PNMA8A: variants seen among roughly 807,000 people sequenced by gnomAD.
PNMA8A encodes paraneoplastic antigen-like protein 8A.
A neutral mutation model predicts 26.6 loss-of-function variants in PNMA8A; 17 were observed. That is an observed-to-expected ratio of 0.64 (90% CI 0.44 to 0.96). The LOEUF (loss-of-function observed/expected upper bound fraction) is 0.96. Ranked by LOEUF, PNMA8A falls within the 40% of genes least tolerant of loss-of-function variation. The pLI is 0.00. For missense variants in PNMA8A, 532 were observed against 488.4 expected, an observed-to-expected ratio of 1.09 and a Z score of -0.84; for synonymous variants, 224 against 182.0, an observed-to-expected ratio of 1.23 and a Z score of -1.86.
At chr19:46,468,696 G>A in intron 2 of PNMA8A, 119 bp from the exon 3 acceptor site, 1 of 787,218 alleles carries the variant, frequency 1.3e-6, no homozygotes, top group Non-Finnish European at 2.2e-6. Context: ...CAGGTCTCTA[G>A]AAAACTTCAC....
At chr19:46,469,105 A>G (rs56838894) in intron 2 of PNMA8A, among the ~76,000 whole-genome samples, 32,123 of 109,068 alleles carry the variant, frequency 0.29, 3,726 homozygotes, top group East Asian at 0.47. Context: ...CAAATCATTA[A>G]ATTCTTTTTT....
chr19:46,469,451 A>C, intron 2 of PNMA8A, among the ~76,000 whole-genome samples: 1 of 152,074 alleles, frequency 6.6e-6, no homozygotes, highest in East Asian at 1.9e-4. Flanking sequence ...GGTCAGATGG[A>C]GTGGCAAATG....
rs142708071 is a variant in PNMA8A at position 46,470,582 on chromosome 19, C to T, written c.454G>A (p.Val152Met). 15 of 1,613,914 alleles carry T rather than the reference C, an allele frequency of 9.3e-6. No homozygotes were observed. Among genetic ancestry groups the T allele is most frequent in the African/African-American group, 2.7e-5 (2 of 74,938 alleles). The change falls in exon 2 of 3, where the codon GTG becomes ATG. Residue 152 changes from valine to methionine, a missense_variant. Coordinates refer to ENST00000313683, the MANE Select transcript of PNMA8A (RefSeq NM_018215.4). ...ATCTGCACCACTGCTCCCAGAAGCA[C>T]CCCCAGAGCTTCTGCCCAGTTCTCT... ...PPENWAEALG[V>M]LLGAVVQIIF...
intron 2 of PNMA8A, 23 bp downstream of exon 2, chr19:46,469,710 G>A: frequency 6.4e-7 from 1 of 1,569,346 alleles, no homozygotes; most frequent in Non-Finnish European, 8.6e-7. Flanking sequence ...CACGAGCCCA[G>A]TCACTTCTGC....
At chr19:46,468,772 G>A (rs1214154994) in intron 2 of PNMA8A, among the ~76,000 whole-genome samples, 195 bp from the exon 3 acceptor site, 1 of 151,980 alleles carries the variant, frequency 6.6e-6, no homozygotes, top group East Asian at 1.9e-4. Context: ...TGGGGGGAGG[G>A]GGGAACAGGG....
intron 2 of PNMA8A, among the ~76,000 whole-genome samples, 192 bp from the exon 3 acceptor site, chr19:46,468,769 A>C (rs1969742193): frequency 6.6e-6 from 1 of 151,442 alleles, no homozygotes; most frequent in South Asian, 2.1e-4. Context: ...TTTTGGGGGG[A>C]GGGGGGAACA....
intron 2 of PNMA8A, 109 bp from the exon 3 acceptor site, chr19:46,468,686 C>T: frequency 1.2e-6 from 1 of 868,396 alleles, no homozygotes; most frequent in Non-Finnish European, 1.9e-6. Flanking sequence ...ATTCCCCAGC[C>T]AGGTCTCTAG....
Position 46,469,858 on chromosome 19 carries a change from G to A in PNMA8A, c.1178C>T (p.Pro393Leu), listed in dbSNP as rs1008161242. The A allele has an allele frequency of 1.9e-6, 3 of 1,614,104 alleles. No homozygotes were observed. The highest frequency in any genetic ancestry group is 2.7e-5 in the African/African-American group (2 of 74,940). Residue 393 changes from proline (P) to leucine (L), a missense_variant, in exon 2 of 3, where the codon CCA becomes CTA. Pro to Leu is a moderately conservative substitution (Grantham distance 98). Coordinates refer to ENST00000313683, the MANE Select transcript of PNMA8A (RefSeq NM_018215.4). The part of the protein sequence containing the change: ...RKKPVMPKKG[P>L]GSRREASDQK... ...ATCTGATGCCTCCCTTCTTGAGCCT[G>A]GCCCTTTCTTTGGCATCACCGGCTT... is the stretch of plus-strand genomic sequence containing the variant.
rs1210310655 is a variant in PNMA8A, at chr19:46,468,361, AG to A, written c.*199del. ...GGCGGTGAAACGGCAGGCCTGGTAGAGAAAAGGGCATAGAGATCCACCTCCC... is the reference window on the plus strand; with the variant it reads ...GGCGGTGAAACGGCAGGCCTGGTAGAAAAAGGGCATAGAGATCCACCTCCC... On this transcript the variant is annotated 3_prime_UTR_variant, in exon 3 of 3. Transcript: ENST00000313683. 9 of 531,410 alleles carry A rather than the reference AG, an allele frequency of 1.7e-5. No individual in the cohort carries two copies. In the Admixed American group the frequency reaches 2.1e-4, roughly 13 times the overall value. 32.9% of individuals were successfully genotyped at this position (531,410 alleles called of 1,614,324 possible). A position where few individuals can be genotyped will look rare whatever the true frequency, so the allele number is the denominator to read the frequency against.
Position 46,466,647 on chromosome 19 carries a change from T to C in PNMA8A, c.*1914A>G, listed in dbSNP as rs942741371. 1 of 152,134 alleles carries C rather than the reference T, an allele frequency of 6.6e-6. No individual in the cohort carries two copies. The highest frequency in any genetic ancestry group is 1.9e-4 in the East Asian group (1 of 5,192). The allele number at this position is 152,134 out of a possible 1,614,324, so 9.4% of individuals were successfully genotyped here. A position where few individuals can be genotyped will look rare whatever the true frequency, so the allele number is the denominator to read the frequency against. On this transcript the variant is annotated 3_prime_UTR_variant, in exon 3 of 3. Transcript: ENST00000313683. Reference sequence around the variant, plus strand: ...GGCTTTGGTCTCTTCAAGAATCCAATTCACCCCTGGGTTTCGCTTGGCACA... The same window carrying C: ...GGCTTTGGTCTCTTCAAGAATCCAACTCACCCCTGGGTTTCGCTTGGCACA...
At chr19:46,471,142 C>T in intron 1 of PNMA8A, 28 bp from the exon 2 acceptor site, 3 of 614,710 alleles carry the variant, frequency 4.9e-6, no homozygotes. Context: ...AGCGAGGTCA[C>T]GTTCCCAGGA....
chr19:46,468,617 A>T, intron 2 of PNMA8A, 40 bp from the exon 3 acceptor site: 1 of 1,569,142 alleles, frequency 6.4e-7, no homozygotes, highest in Non-Finnish European at 8.8e-7. Flanking sequence ...AGGGAAGCAG[A>T]GAGGTGTCAT....
At chr19:46,469,631 C>A (rs1038597992) in intron 2 of PNMA8A, 102 bp downstream of exon 2, 753 of 1,328,380 alleles carry the variant, frequency 5.7e-4, no homozygotes, top group Non-Finnish European at 7.3e-4. Context: ...ACCCGCTTGA[C>A]CCACCACCTC....
Position 46,470,560 on chromosome 19 carries a change from T to G in PNMA8A, c.476A>C (p.Gln159Pro). Residue 159 changes from glutamine (Q) to proline (P), a missense_variant, in exon 2 of 3, where the codon CAG (glutamine) becomes CCG (proline). By Grantham distance (76) the Gln-to-Pro change is moderately conservative. Transcript: ENST00000313683. ...ALGVLLGAVV[Q>P]IIFCMDAEIR... Reference sequence around the variant, plus strand: ...CTCGGCATCCATGCAGAAGATGATCTGCACCACTGCTCCCAGAAGCACCCC... The same window carrying G: ...CTCGGCATCCATGCAGAAGATGATCGGCACCACTGCTCCCAGAAGCACCCC... The G allele has an allele frequency of 1.2e-6, 2 of 1,614,096 alleles. No homozygotes were observed. The highest frequency in any genetic ancestry group is 1.7e-6 in the Non-Finnish European group (2 of 1,180,032).
At position 46,466,509 on chromosome 19, in the gene PNMA8A, T is replaced by C. The variant is rs894023573; in HGVS notation, c.*2052A>G. 6.6e-6 allele frequency: 1 copy of C among 152,176 alleles called. No individual in the cohort carries two copies. The highest frequency in any genetic ancestry group is 1.5e-5 in the Non-Finnish European group (1 of 68,022). 9.4% of individuals were successfully genotyped at this position (152,176 alleles called of 1,614,324 possible). ...AAGAGACTTAACAGGACACTTAATT[T>C]GCTAAACTTTATTTTATACATACAC... On this transcript the variant is annotated 3_prime_UTR_variant, in exon 3 of 3. Coordinates refer to ENST00000313683, the MANE Select transcript of PNMA8A (RefSeq NM_018215.4).
rs1969737190 is a variant in PNMA8A at position 46,468,444 on chromosome 19, T to C, written c.*117A>G. The C allele has an allele frequency of 1.1e-6, 1 of 892,130 alleles. No homozygotes were observed. Among genetic ancestry groups the C allele is most frequent in the African/African-American group, 1.6e-5 (1 of 60,640 alleles). The allele number at this position is 892,130 out of a possible 1,614,324, so 55.3% of individuals were successfully genotyped here. ...CTATCGTTTACCTCAGGGCCAGATC[T>C]CTATCAACAGGGGCCCTAAGAGAGT... is the stretch of plus-strand genomic sequence containing the variant. On this transcript the variant is annotated 3_prime_UTR_variant, in exon 3 of 3. Coordinates refer to ENST00000313683, the MANE Select transcript of PNMA8A (RefSeq NM_018215.4).
At chr19:46,469,611 C>T (rs1393848264) in intron 2 of PNMA8A, 122 bp downstream of exon 2, 20 of 1,078,408 alleles carry the variant, frequency 1.9e-5, no homozygotes, top group Non-Finnish European at 2.6e-5. Flanking sequence ...GCACCAGGGT[C>T]CTCCTCATCA....
At position 46,470,376 on chromosome 19, in the gene PNMA8A, G is replaced by A. The variant is rs759970820; in HGVS notation, c.660C>T (p.Ala220=). 6.2e-7 allele frequency: 1 copy of A among 1,614,032 alleles called. No individual in the cohort carries two copies. The highest frequency in any genetic ancestry group is 1.1e-5 in the South Asian group (1 of 91,086). The change falls in exon 2 of 3, where the codon GCC becomes GCT. Residue 220 remains alanine, a synonymous_variant. Transcript: ENST00000313683. The part of the protein sequence containing the change: ...LKAETPNNWN[A]TEDQHEPTKP... ...TGGTAGGCTCATGCTGGTCTTCCGT[G>A]GCATTCCAGTTGTTGGGGGTCTCTG...
intron 2 of PNMA8A, among the ~76,000 whole-genome samples, 184 bp downstream of exon 2, chr19:46,469,549 G>A (rs936240759): frequency 1.3e-5 from 2 of 152,060 alleles, no homozygotes; most frequent in Admixed American, 6.5e-5. Flanking sequence ...TCCTGGAAGG[G>A]CGGTCTGGGC....
Sources: allele counts gnomAD v4.1 joint callset (sites outside exome capture counted in the v4.1 genomes callset), GRCh38; gene constraint gnomAD v4.1.1; transcripts MANE v1.5; gene names NCBI Gene and HGNC (gene_info 2026-07-23, HGNC 2026-07-21).